The following TENM2 variants were observed in gnomAD, a reference collection of about 807,000 sequenced individuals.
TENM2 encodes teneurin transmembrane protein 2, also known as teneurin-2.
In TENM2, 52 loss-of-function variants were observed where a neutral mutation model predicts 245.2. The ratio of observed to expected loss-of-function variants is 0.21; its 90% confidence interval spans 0.17 to 0.27. TENM2 has a LOEUF of 0.27. Among genes scored for constraint, TENM2 ranks in the 10% least tolerant of loss-of-function variants. The probability of loss-of-function intolerance (pLI) is 1.00; values close to 1 mark genes in which losing one functional copy is unlikely to be tolerated. For synonymous variants in TENM2, 1,363 were observed against 1,438.9 expected (o/e 0.95, Z 1.19); for missense variants, 3,046 against 3,666.8 (o/e 0.83, Z 4.37).
chr5:167,046,154 G>A, the TENM2 span, among the ~76,000 whole-genome samples: 1 of 152,096 alleles, frequency 6.6e-6, no homozygotes, highest in African/African-American at 2.4e-5. Flanking sequence ...AGGTACTGTG[G>A]TTACCTTCCA....
intron 2 of TENM2, among the ~76,000 whole-genome samples, chr5:167,488,608 C>G (rs1257464293): frequency 6.6e-6 from 1 of 152,018 alleles, no homozygotes; most frequent in Non-Finnish European, 1.5e-5. Flanking sequence ...TGGAGCTCAC[C>G]AAGTCTCACT....
At chr5:167,679,894 G>A (rs1055887373) in intron 2 of TENM2, among the ~76,000 whole-genome samples, 1 of 152,150 alleles carries the variant, frequency 6.6e-6, no homozygotes, top group African/African-American at 2.4e-5. Flanking sequence ...GTCCATCATG[G>A]TGGTAATGCT....
At chr5:167,005,647 G>A in the TENM2 span, among the ~76,000 whole-genome samples, 2 of 125,596 alleles carry the variant, frequency 1.6e-5, no homozygotes, top group Non-Finnish European at 3.3e-5. Flanking sequence ...TGTTTTTTCT[G>A]TGTGTGGGTT....
At chr5:167,326,200 A>G (rs139941343) in intron 1 of TENM2, among the ~76,000 whole-genome samples, 16 of 152,180 alleles carry the variant, frequency 1.1e-4, no homozygotes, top group Admixed American at 4.6e-4. Flanking sequence ...AAACTGTCCT[A>G]TAAGATCAGT....
At chr5:167,577,104 G>C (rs1456595359) in intron 2 of TENM2, among the ~76,000 whole-genome samples, 1 of 152,124 alleles carries the variant, frequency 6.6e-6, no homozygotes, top group Admixed American at 6.5e-5. Context: ...TGACAAAGAC[G>C]TCCCAGAGGA....
At chr5:168,191,441 G>A (rs759370824) in intron 14 of TENM2, among the ~76,000 whole-genome samples, 1 of 152,104 alleles carries the variant, frequency 6.6e-6, no homozygotes, top group Non-Finnish European at 1.5e-5. Flanking sequence ...TCCAGATGTC[G>A]ATGGTGTATG....
intron 2 of TENM2, among the ~76,000 whole-genome samples, chr5:167,466,334 A>C (rs1766649674): frequency 6.6e-6 from 1 of 152,202 alleles, no homozygotes; most frequent in Non-Finnish European, 1.5e-5. Context: ...CACTGCTTCA[A>C]GTTCAATTGG....
chr5:167,240,165 T>A, the TENM2 span, among the ~76,000 whole-genome samples: 17 of 152,208 alleles, frequency 1.1e-4, no homozygotes, highest in African/African-American at 3.6e-4. Context: ...GGGCTCCCCT[T>A]AAGTATTCTT....
the TENM2 span, among the ~76,000 whole-genome samples, chr5:167,128,000 AG>A: frequency 6.6e-6 from 1 of 152,150 alleles, no homozygotes; most frequent in Non-Finnish European, 1.5e-5. Flanking sequence ...TCTCTATAGA[AG>A]GTATTTCAGC....
chr5:168,083,281 G>A (rs531642312), intron 7 of TENM2, among the ~76,000 whole-genome samples: 10 of 152,318 alleles, frequency 6.6e-5, no homozygotes, highest in Non-Finnish European at 7.3e-5. Flanking sequence ...CTGGTGTGCC[G>A]TTTGCTAAGA....
chr5:167,776,554 C>T lies in TENM2; in HGVS notation c.503-99432C>T, dbSNP rs554424751. 5.4e-5 allele frequency among the ~76,000 whole-genome samples: 7 copies of T among 128,472 alleles called. No homozygotes were observed. The East Asian group carries it at 1.6e-3, about 29-fold the overall frequency. 84.3% of individuals were successfully genotyped at this position (128,472 alleles called of 152,430 possible). A position where few individuals can be genotyped will look rare whatever the true frequency, so the allele number is the denominator to read the frequency against. ...AGGCTGCAGTTAGCCATGGTCGCAC[C>T]ACTGCACTCCAGCTTGGGCAGCAGA... On this transcript the variant is annotated intron_variant, in intron 2 of 28. Coordinates refer to ENST00000518659, the Ensembl canonical transcript of TENM2.
intron 4 of TENM2, among the ~76,000 whole-genome samples, chr5:167,975,548 C>A (rs1782374946): frequency 6.6e-6 from 1 of 151,874 alleles, no homozygotes. Flanking sequence ...TGGCACACTT[C>A]TGCACAACAT....
chr5:167,191,431 C>T, the TENM2 span, among the ~76,000 whole-genome samples: 1 of 152,016 alleles, frequency 6.6e-6, no homozygotes, highest in Non-Finnish European at 1.5e-5. Flanking sequence ...TCCAAGTTCA[C>T]TTAAAGTGAG....
chr5:167,850,279 C>T (rs998515984), intron 2 of TENM2, among the ~76,000 whole-genome samples: 4 of 152,160 alleles, frequency 2.6e-5, no homozygotes, highest in African/African-American at 7.2e-5. Flanking sequence ...GAATTAGAAC[C>T]TGGATGATTT....
At chr5:168,147,689 CA>C (rs1756223800) in intron 12 of TENM2, among the ~76,000 whole-genome samples, 2 of 152,158 alleles carry the variant, frequency 1.3e-5, no homozygotes, top group African/African-American at 4.8e-5. Context: ...CTGTATTATT[CA>C]GTACACATGG....
At chr5:167,084,366 T>TATATATGTACAC in the TENM2 span, among the ~76,000 whole-genome samples, 1 of 114,898 alleles carries the variant, frequency 8.7e-6, no homozygotes, top group Non-Finnish European at 1.9e-5. Flanking sequence ...TATATATATA[T>TATATATGTACAC]ACAGATCAGA....
intron 5 of TENM2, among the ~76,000 whole-genome samples, chr5:168,007,285 C>T (rs369177819): frequency 6.6e-6 from 1 of 152,138 alleles, no homozygotes; most frequent in Non-Finnish European, 1.5e-5. Flanking sequence ...CCCGCCATCA[C>T]GCCCACCTAA....
chr5:167,182,210 ATACT>A, the TENM2 span, among the ~76,000 whole-genome samples: 2 of 152,170 alleles, frequency 1.3e-5, no homozygotes, highest in African/African-American at 4.8e-5. Context: ...ATTTTAAAAA[ATACT>A]TGCAGGGGAA....
At position 168,083,702 on chromosome 5, in the gene TENM2, AGGTTGGAAAC is replaced by A. The variant is rs1278873103; in HGVS notation, c.1516-6871_1516-6862del. On this transcript the variant is annotated intron_variant, in intron 7 of 28. Coordinates refer to ENST00000518659, the Ensembl canonical transcript of TENM2. ...TTCAAAGAATCATGAGTTTTTGCTGAGGTTGGAAACAAGAAGAAGTAATAGACGTTTTTTA... is the reference window on the plus strand; with the variant it reads ...TTCAAAGAATCATGAGTTTTTGCTGAAAGAAGAAGTAATAGACGTTTTTTA... 7.2e-5 allele frequency among the ~76,000 whole-genome samples: 11 copies of A among 152,292 alleles called. No individual in the cohort carries two copies. The South Asian group carries it at 2.3e-3, about 32-fold the overall frequency.
Sources: allele counts gnomAD v4.1 joint callset (sites outside exome capture counted in the v4.1 genomes callset), GRCh38; gene constraint gnomAD v4.1.1; transcripts MANE v1.5; gene names NCBI Gene and HGNC (gene_info 2026-07-23, HGNC 2026-07-21).